PSD3: variants seen among roughly 807,000 people sequenced by gnomAD.
The protein encoded by PSD3 is pleckstrin and Sec7 domain containing 3.
A neutral mutation model predicts 105.5 loss-of-function variants in PSD3; 49 were observed. The observed-to-expected ratio is 0.46, with a 90% CI of 0.37 to 0.59. The LOEUF (loss-of-function observed/expected upper bound fraction) is 0.59. Ranked by LOEUF, PSD3 falls within the 20% of genes least tolerant of loss-of-function variation. The pLI, the probability that PSD3 is intolerant of heterozygous loss-of-function variation, is 0.00. For synonymous variants in PSD3, 557 were observed against 457.8 expected (o/e 1.22, Z -2.77); for missense variants, 1,561 against 1,263.8 (o/e 1.24, Z -3.57).
At chr8:18,536,191 T>C (rs1248473942) in intron 15 of PSD3, among the ~76,000 whole-genome samples, 1 of 152,202 alleles carries the variant, frequency 6.6e-6, no homozygotes, top group African/African-American at 2.4e-5. Flanking sequence ...TTGTTCTAGA[T>C]TCTGACAGAA....
chr8:18,949,251 A>ATATATATATATATG (rs1823082435), intron 1 of PSD3, among the ~76,000 whole-genome samples: 1 of 83,832 alleles, frequency 1.2e-5, no homozygotes, highest in Non-Finnish European at 2.2e-5. Context: ...AAAAATATAT[A>ATATATATATATATG]TATATATATA....
intron 2 of PSD3, among the ~76,000 whole-genome samples, chr8:18,920,077 A>G (rs1200706056): frequency 6.6e-6 from 1 of 151,282 alleles, no homozygotes; most frequent in African/African-American, 2.4e-5. Context: ...AGAATTTCCT[A>G]GAGAACTACT....
At chr8:18,926,375 G>C (rs2129467949) in intron 2 of PSD3, among the ~76,000 whole-genome samples, 1 of 151,542 alleles carries the variant, frequency 6.6e-6, no homozygotes, top group Middle Eastern at 3.4e-3. Context: ...GTTTAGACTT[G>C]GGTGTCATCC....
chr8:18,545,316 G>A lies in PSD3; in HGVS notation c.2929-9358C>T, dbSNP rs141116947. On this transcript the variant is annotated intron_variant, in intron 15 of 15. Transcript: ENST00000327040. ...CAAACCACAAACAGAGCAACCTTAC[G>A]AAGATCTGCCACCCACAAGGCCTCT... is the stretch of plus-strand genomic sequence containing the variant. 2.4e-3 allele frequency among the ~76,000 whole-genome samples: 360 copies of A among 152,150 alleles called. 7 individuals are homozygous for A. Among genetic ancestry groups the A allele is most frequent in the East Asian group, 4.4e-3 (23 of 5,176 alleles).
At chr8:18,559,146 C>T (rs997484568) in intron 14 of PSD3, among the ~76,000 whole-genome samples, 37 of 152,228 alleles carry the variant, frequency 2.4e-4, no homozygotes, top group African/African-American at 8.9e-4. Flanking sequence ...TAGTGTGTCA[C>T]AAAGTGTTGG....
intron 9 of PSD3, among the ~76,000 whole-genome samples, chr8:18,657,828 T>C (rs1259637731): frequency 6.6e-6 from 1 of 152,218 alleles, no homozygotes; most frequent in African/African-American, 2.4e-5. Flanking sequence ...ACTATCATAC[T>C]CAATATTACC....
chr8:19,006,225 G>A (rs1409716240), intron 1 of PSD3, among the ~76,000 whole-genome samples: 3 of 150,916 alleles, frequency 2.0e-5, no homozygotes, highest in East Asian at 3.9e-4. Context: ...CCCGGGAGGC[G>A]GGGGTTGCAG....
At chr8:18,870,683 CA>C (rs11367308) in intron 3 of PSD3, among the ~76,000 whole-genome samples, 31,485 of 123,946 alleles carry the variant, frequency 0.25, 3,472 homozygotes, top group South Asian at 0.35. Context: ...GTATAATTTA[CA>C]AAAAAAAAAA....
intron 15 of PSD3, among the ~76,000 whole-genome samples, chr8:18,553,541 C>T (rs1045100370): frequency 6.6e-6 from 1 of 152,146 alleles, no homozygotes. Flanking sequence ...GTTCCAGAAA[C>T]TGGGAAAAAT....
intron 9 of PSD3, among the ~76,000 whole-genome samples, chr8:18,681,753 T>A (rs1010653834): frequency 1.3e-5 from 2 of 152,068 alleles, no homozygotes; most frequent in Non-Finnish European, 2.9e-5. Flanking sequence ...ATTCTACTGA[T>A]TTTCTCTTAG....
intron 13 of PSD3, among the ~76,000 whole-genome samples, chr8:18,572,918 C>T (rs1324432913): frequency 6.6e-6 from 1 of 152,158 alleles, no homozygotes; most frequent in Non-Finnish European, 1.5e-5. Flanking sequence ...AAAAGAGAAA[C>T]ACTTGACAAT....
chr8:18,589,301 G>A (rs1170588220), intron 12 of PSD3, among the ~76,000 whole-genome samples: 1 of 152,114 alleles, frequency 6.6e-6, no homozygotes, highest in Non-Finnish European at 1.5e-5. Context: ...ATCAACAACT[G>A]CCTCCATTTC....
chr8:18,881,234 T>C (rs1393397836), intron 2 of PSD3, among the ~76,000 whole-genome samples: 4 of 152,202 alleles, frequency 2.6e-5, no homozygotes, highest in Non-Finnish European at 5.9e-5. Flanking sequence ...GAGATACATT[T>C]GAATGTTAAG....
chr8:18,719,091 G>A (rs1219716754), intron 9 of PSD3, among the ~76,000 whole-genome samples: 1 of 152,138 alleles, frequency 6.6e-6, no homozygotes, highest in East Asian at 1.9e-4. Flanking sequence ...GACAGAGATC[G>A]AAAATTAGGT....
At chr8:18,990,438 T>C (rs1477117611) in intron 1 of PSD3, among the ~76,000 whole-genome samples, 1 of 152,246 alleles carries the variant, frequency 6.6e-6, no homozygotes, top group East Asian at 1.9e-4. Context: ...GCCATTGTGC[T>C]TGATATTCCT....
At chr8:18,891,069 T>C (rs1158333780) in intron 2 of PSD3, among the ~76,000 whole-genome samples, 2 of 152,186 alleles carry the variant, frequency 1.3e-5, no homozygotes, top group African/African-American at 2.4e-5. Context: ...CAGAGCTTAC[T>C]ATGGATAATG....
At chr8:19,061,982 A>G (rs1185018627) in intron 1 of PSD3, among the ~76,000 whole-genome samples, 4 of 152,164 alleles carry the variant, frequency 2.6e-5, no homozygotes, top group African/African-American at 7.2e-5. Context: ...ATTACACCCA[A>G]TTGTACTGAT....
chr8:19,010,773 C>T (rs1012855566), intron 1 of PSD3, among the ~76,000 whole-genome samples: 1 of 152,170 alleles, frequency 6.6e-6, no homozygotes, highest in East Asian at 1.9e-4. Flanking sequence ...TCACATGGAT[C>T]CTGTACTCTC....
intron 3 of PSD3, among the ~76,000 whole-genome samples, chr8:18,870,461 A>C (rs192970095): frequency 2.0e-5 from 3 of 152,186 alleles, no homozygotes; most frequent in East Asian, 3.9e-4. Context: ...CATAAATCTC[A>C]TAAGTAGGAG....
Sources: allele counts gnomAD v4.1 joint callset (sites outside exome capture counted in the v4.1 genomes callset), GRCh38; gene constraint gnomAD v4.1.1; transcripts MANE v1.5; gene names NCBI Gene and HGNC (gene_info 2026-07-23, HGNC 2026-07-21).